Variants in CRMP1 observed in about 807,000 individuals in gnomAD.
The protein encoded by CRMP1 is collapsin response mediator protein 1.
Under a neutral mutation model 68.3 loss-of-function variants are expected in CRMP1, and 19 were observed. The ratio of observed to expected loss-of-function variants is 0.28; its 90% CI spans 0.19 to 0.41. The LOEUF is 0.41. Ranked by LOEUF, CRMP1 falls within the 10% of genes least tolerant of loss-of-function variation. The pLI, the probability that CRMP1 is intolerant of heterozygous loss-of-function variation, is 1.00. For missense variants in CRMP1, 791 were observed against 967.4 expected, an observed-to-expected ratio of 0.82 and a Z score of 2.42; for synonymous variants, 439 against 399.6, an observed-to-expected ratio of 1.10 and a Z score of -1.18.
chr4:5,863,857 C>T (rs1713777086), intron 2 of CRMP1, among the ~76,000 whole-genome samples: 1 of 152,146 alleles, frequency 6.6e-6, no homozygotes, highest in African/African-American at 2.4e-5. Context: ...CTCTTCCACA[C>T]CTACCCTTCT....
chr4:5,836,915 G>A lies in CRMP1; in HGVS notation c.1311-9C>T. The A allele has an allele frequency of 6.2e-7, 1 of 1,605,106 alleles. No individual in the cohort carries two copies. The highest frequency in any genetic ancestry group is 1.7e-4 in the Middle Eastern group (1 of 6,014). On this transcript the variant is annotated splice_polypyrimidine_tract_variant and intron_variant, in intron 9 of 13. Transcript: ENST00000324989. Reference sequence around the variant, plus strand: ...TGACCTGCAAGTCCCCACTGGCAAGGACAAAACAAGGTAGAGTTCAGACCC... The same window carrying A: ...TGACCTGCAAGTCCCCACTGGCAAGAACAAAACAAGGTAGAGTTCAGACCC...
At chr4:5,824,291 T>C (rs1355595696) in intron 13 of CRMP1, 1 of 985,254 alleles carries the variant, frequency 1.0e-6, no homozygotes, top group Non-Finnish European at 1.2e-6. Flanking sequence ...CACATGACTT[T>C]TAGCATTCTA....
chr4:5,850,632 C>T lies in CRMP1; in HGVS notation c.882+776G>A, dbSNP rs984577. Among the ~76,000 whole-genome samples, 1 of 152,118 alleles carries T rather than the reference C, an allele frequency of 6.6e-6. No homozygotes were observed. Among genetic ancestry groups the T allele is most frequent in the Non-Finnish European group, 1.5e-5 (1 of 68,016 alleles). On this transcript the variant is annotated intron_variant, in intron 5 of 13. Coordinates refer to ENST00000324989, the MANE Select transcript of CRMP1 (RefSeq NM_001014809.3). The surrounding 1 kb of genome is among the most constrained non-coding windows in gnomAD (Gnocchi z 4.4). ...TTACTCTTCTTATGAAATCATTCAA[C>T]TGCCTCTATAAGGTAGGGCTATCAT...
At chr4:5,887,868 C>T (rs532829345) in intron 1 of CRMP1, 5 of 963,282 alleles carry the variant, frequency 5.2e-6, no homozygotes, top group Admixed American at 5.8e-5. Context: ...CTCCCACCCC[C>T]GCGCGAGGCC....
At position 5,853,377 on chromosome 4, in the gene CRMP1, C is replaced by A. The variant is rs145164462; in HGVS notation, c.821-1908G>T. On this transcript the variant is annotated intron_variant, in intron 4 of 13. Coordinates refer to ENST00000324989, the MANE Select transcript of CRMP1 (RefSeq NM_001014809.3). The surrounding 1 kb of genome is among the most constrained non-coding windows in gnomAD (Gnocchi z 4.7). Reference sequence around the variant, plus strand: ...TGAGATCTCGCCATTGCACTCCAGCCTGGGTGACAGAGTAAGACTCCATCA... The same window carrying A: ...TGAGATCTCGCCATTGCACTCCAGCATGGGTGACAGAGTAAGACTCCATCA... 2.6e-5 allele frequency among the ~76,000 whole-genome samples: 4 copies of A among 152,166 alleles called. No individual in the cohort carries two copies. Among genetic ancestry groups the A allele is most frequent in the Non-Finnish European group, 4.4e-5 (3 of 68,038 alleles).
At position 5,833,693 on chromosome 4, in the gene CRMP1, G is replaced by A. The variant is rs73061890; in HGVS notation, c.1623+2222C>T. On this transcript the variant is annotated intron_variant, in intron 11 of 13. Transcript: ENST00000324989. ...AAACAGTATTTGGCTGGATTGTGAT[G>A]ATAATCAGAGTGCCCACTCCTGAGC... Among the ~76,000 whole-genome samples, 849 of 152,292 alleles carry A rather than the reference G, an allele frequency of 5.6e-3. 7 individuals carry two copies. The highest frequency in any genetic ancestry group is 0.018 in the African/African-American group (744 of 41,550).
chr4:5,882,839 C>T (rs532748062), intron 1 of CRMP1, among the ~76,000 whole-genome samples: 8 of 152,340 alleles, frequency 5.3e-5, no homozygotes, highest in African/African-American at 1.9e-4. Flanking sequence ...TAATCCAACT[C>T]TCCCTGTCCA....
At position 5,860,222 on chromosome 4, in the gene CRMP1, G is replaced by A. The variant is rs1713434961; in HGVS notation, c.655+804C>T. 6.6e-6 allele frequency among the ~76,000 whole-genome samples: 1 copy of A among 152,142 alleles called. No individual in the cohort carries two copies. The highest frequency in any genetic ancestry group is 2.4e-5 in the African/African-American group (1 of 41,434). ...CAATGGAATGTGGGTGGAAGTTGCA[G>A]CATGGAAGTGAGGAGATGAGGCAGT... On this transcript the variant is annotated intron_variant, in intron 3 of 13. Coordinates refer to ENST00000324989, the MANE Select transcript of CRMP1 (RefSeq NM_001014809.3). The surrounding 1 kb of genome is among the most constrained non-coding windows in gnomAD (Gnocchi z 4.2).
chr4:5,835,378 G>GA (rs1439139248), intron 11 of CRMP1, among the ~76,000 whole-genome samples: 1 of 152,206 alleles, frequency 6.6e-6, no homozygotes, highest in Non-Finnish European at 1.5e-5. Context: ...TCTTTGGTAG[G>GA]TTGCTGGATG....
At position 5,821,573 on chromosome 4, in the gene CRMP1, G is replaced by T. The variant is rs878927822; in HGVS notation, c.*187C>A. On this transcript the variant is annotated 3_prime_UTR_variant, in exon 14 of 14. Coordinates refer to ENST00000324989, the MANE Select transcript of CRMP1 (RefSeq NM_001014809.3). The surrounding 1 kb of genome is among the most constrained non-coding windows in gnomAD (Gnocchi z 4.4). ...AGCATGAACACAACTGTGGGGCAAG[G>T]AATTTCCAAGCAAACACACCACACT... 1.7e-5 allele frequency: 10 copies of T among 603,876 alleles called. No homozygotes were observed. The South Asian group carries it at 2.0e-4, about 12-fold the overall frequency. 37.4% of individuals were successfully genotyped at this position (603,876 alleles called of 1,614,324 possible). A position where few individuals can be genotyped will look rare whatever the true frequency, so the allele number is the denominator to read the frequency against.
intron 1 of CRMP1, among the ~76,000 whole-genome samples, chr4:5,869,677 C>A (rs1714301147): frequency 8.9e-6 from 1 of 112,904 alleles, no homozygotes; most frequent in Non-Finnish European, 1.9e-5. Flanking sequence ...GAGCAAGACT[C>A]CGTCAAAAAA....
In CRMP1 at chr4:5,836,001, C is replaced by A; in HGVS notation, c.1537G>T (p.Gly513Trp). 6.2e-7 allele frequency: 1 copy of A among 1,607,328 alleles called. No individual in the cohort carries two copies. Among genetic ancestry groups the A allele is most frequent in the Admixed American group, 1.7e-5 (1 of 59,262 alleles). Residue 513 changes from glycine to tryptophan, a missense_variant, in exon 11 of 14, where the codon GGG (glycine) becomes TGG (tryptophan). This residue lies in a region of CRMP1 where 594 missense variants were observed against 763.6 expected (regional missense o/e 0.78). Coordinates refer to ENST00000324989, the MANE Select transcript of CRMP1 (RefSeq NM_001014809.3). ...AKIFNLYPRK[G>W]RIAVGSDADV... ...GCATCCGAGCCCACGGCAATCCGCC[C>A]TTTCCTTGGGTACAGGTTAAAGATC...
rs564118894 is a variant in CRMP1 at position 5,884,208 on chromosome 4, A to T, written c.381+8381T>A. Among the ~76,000 whole-genome samples the T allele has an allele frequency of 3.3e-4, 51 of 152,324 alleles. 1 individual carries two copies. The highest frequency in any genetic ancestry group is 9.9e-4 in the African/African-American group (41 of 41,570). ...GTGGACATCTCAAATCCTTTGTGTA[A>T]AAAGGCAGGGAATCAACTGGATATC... is the stretch of plus-strand genomic sequence containing the variant. On this transcript the variant is annotated intron_variant, in intron 1 of 13. Coordinates refer to ENST00000324989, the MANE Select transcript of CRMP1 (RefSeq NM_001014809.3).
Position 5,855,764 on chromosome 4 carries a change from G to A in CRMP1, c.820+379C>T, listed in dbSNP as rs979347009. On this transcript the variant is annotated intron_variant, in intron 4 of 13. Coordinates refer to ENST00000324989, the MANE Select transcript of CRMP1 (RefSeq NM_001014809.3). The surrounding 1 kb of genome is among the most constrained non-coding windows in gnomAD (Gnocchi z 4.9). The stretch of plus-strand genomic sequence containing the variant: ...GGTGAGTAGCACTGGGCAGGCAGAG[G>A]AGAAAGGGCATTCATTCCTGGCAGG... Among the ~76,000 whole-genome samples the A allele has an allele frequency of 2.0e-5, 3 of 152,210 alleles. No homozygotes were observed. Among genetic ancestry groups the A allele is most frequent in the Non-Finnish European group, 2.9e-5 (2 of 68,044 alleles).
In CRMP1 at chr4:5,850,690, C is replaced by T. The variant is rs1198336573; in HGVS notation, c.882+718G>A. 6.6e-6 allele frequency among the ~76,000 whole-genome samples: 1 copy of T among 152,154 alleles called. No individual in the cohort carries two copies. The highest frequency in any genetic ancestry group is 1.5e-5 in the Non-Finnish European group (1 of 68,028). ...AAGCACAGAGAAGTTGGGAAAGCTG[C>T]CCCTGGCTGCAGAGCAAGCACCTGG... On this transcript the variant is annotated intron_variant, in intron 5 of 13. Coordinates refer to ENST00000324989, the MANE Select transcript of CRMP1 (RefSeq NM_001014809.3). The surrounding 1 kb of genome is among the most constrained non-coding windows in gnomAD (Gnocchi z 4.4).
intron 4 of CRMP1, 91 bp from the exon 5 acceptor site, chr4:5,851,560 T>G: frequency 7.7e-7 from 1 of 1,300,754 alleles, no homozygotes; most frequent in Non-Finnish European, 1.1e-6. Flanking sequence ...AGCAGAGTGG[T>G]AGTCGCCAGG....
chr4:5,889,657 T>C lies in CRMP1; in HGVS notation c.381+2932A>G, dbSNP rs1715848946. The C allele has an allele frequency of 6.5e-7, 1 of 1,536,054 alleles. No homozygotes were observed. The highest frequency in any genetic ancestry group is 8.7e-7 in the Non-Finnish European group (1 of 1,146,914). On this transcript the variant is annotated intron_variant, in intron 1 of 13. Coordinates refer to ENST00000324989, the MANE Select transcript of CRMP1 (RefSeq NM_001014809.3). The surrounding 1 kb of genome is among the most constrained non-coding windows in gnomAD (Gnocchi z 4.5). Reference sequence around the variant, plus strand: ...ACCACTTCGTTGTTCATTTTCTGCATGCGAAATCCAACCCCACAGGTCCTA... The same window carrying C: ...ACCACTTCGTTGTTCATTTTCTGCACGCGAAATCCAACCCCACAGGTCCTA...
At position 5,879,019 on chromosome 4, in the gene CRMP1, T is replaced by C. The variant is rs960356676; in HGVS notation, c.382-12263A>G. Among the ~76,000 whole-genome samples, 6 of 152,138 alleles carry C rather than the reference T, an allele frequency of 3.9e-5. No homozygotes were observed. The highest frequency in any genetic ancestry group is 1.3e-4 in the Admixed American group (2 of 15,276). ...CACCCCATCTCCCTGCCACAGAACTTGTCCACTCCATATGACAGGCAGAGT... is the reference window on the plus strand; with the variant it reads ...CACCCCATCTCCCTGCCACAGAACTCGTCCACTCCATATGACAGGCAGAGT... On this transcript the variant is annotated intron_variant, in intron 1 of 13. Transcript: ENST00000324989. The surrounding 1 kb of genome is among the most constrained non-coding windows in gnomAD (Gnocchi z 4.2).
chr4:5,825,382 T>C lies in CRMP1; in HGVS notation c.1969+112A>G. Reference sequence around the variant, plus strand: ...CTCGGGTGGGGCACACTCCCTTCCCTGCTTCTTCATCTAGTGTCCAAGGCC... The same window carrying C: ...CTCGGGTGGGGCACACTCCCTTCCCCGCTTCTTCATCTAGTGTCCAAGGCC... On this transcript the variant is annotated intron_variant, in intron 13 of 13. Transcript: ENST00000324989. This position sits in a 1 kb window ranked among gnomAD's most constrained non-coding sequence, Gnocchi z 4.4. 6.8e-7 allele frequency: 1 copy of C among 1,463,966 alleles called. No homozygotes were observed. Among genetic ancestry groups the C allele is most frequent in the Non-Finnish European group, 9.0e-7 (1 of 1,115,180 alleles). The allele number at this position is 1,463,966 out of a possible 1,614,324, so 90.7% of individuals were successfully genotyped here.
Sources: gnomAD v4.1 joint callset for allele counts (sites outside exome capture counted in the v4.1 genomes callset) on GRCh38, gnomAD v4.1.1 for gene constraint, gnomAD v4.1.1 regional missense constraint, Gnocchi (gnomAD v3.1) non-coding constraint, MANE v1.5 for transcripts, NCBI Gene and HGNC (gene_info 2026-07-23, HGNC 2026-07-21) for gene names.